PKHD1: variants seen among roughly 807,000 people sequenced by gnomAD.
The protein encoded by PKHD1 is PKHD1 ciliary IPT domain containing fibrocystin/polyductin, also known as fibrocystin.
Under a neutral mutation model 412.0 loss-of-function variants are expected in PKHD1, and 291 were observed. The ratio of observed to expected loss-of-function variants is 0.71; its 90% confidence interval spans 0.64 to 0.78. The LOEUF (loss-of-function observed/expected upper bound fraction) is 0.78, where lower values mean the gene tolerates loss of function less well. PKHD1 is among the 30% of genes least tolerant of loss of function. PKHD1 has a pLI of 0.00. For synonymous variants in PKHD1, 1,777 were observed against 1,821.5 expected (o/e 0.98, Z 0.62); for missense variants, 4,825 against 4,950.7 (o/e 0.97, Z 0.76).
At chr6:51,816,732 C>T (rs1765519609) in intron 52 of PKHD1, among the ~76,000 whole-genome samples, 1 of 152,312 alleles carries the variant, frequency 6.6e-6, no homozygotes, top group Non-Finnish European at 1.5e-5. Flanking sequence ...ATTTCTGTAC[C>T]TCATTCCTAT....
intron 21 of PKHD1, among the ~76,000 whole-genome samples, chr6:52,052,421 A>G (rs1314228910): frequency 6.6e-6 from 1 of 152,208 alleles, no homozygotes; most frequent in Non-Finnish European, 1.5e-5. Context: ...GGGAAGGAAG[A>G]GCCGGGCCTG....
At chr6:52,043,458 C>A (rs905375978) in intron 26 of PKHD1, among the ~76,000 whole-genome samples, 167 bp downstream of exon 26, 1 of 152,176 alleles carries the variant, frequency 6.6e-6, no homozygotes, top group Non-Finnish European at 1.5e-5. Context: ...AAATCATGAC[C>A]ATATCCCTTA....
chr6:51,782,818 C>A (rs558133142), intron 53 of PKHD1, among the ~76,000 whole-genome samples: 2 of 152,186 alleles, frequency 1.3e-5, no homozygotes, highest in South Asian at 4.2e-4. Context: ...GGTATTGTGG[C>A]TTTAAGCTGG....
At chr6:51,856,878 T>A (rs1773394193) in intron 48 of PKHD1, among the ~76,000 whole-genome samples, 1 of 152,246 alleles carries the variant, frequency 6.6e-6, no homozygotes, top group South Asian at 2.1e-4. Flanking sequence ...CCAAATCATG[T>A]TTGTTATATG....
intron 52 of PKHD1, among the ~76,000 whole-genome samples, chr6:51,792,588 G>T (rs1192178835): frequency 6.6e-6 from 1 of 152,190 alleles, no homozygotes; most frequent in African/African-American, 2.4e-5. Context: ...CACCTCCTTT[G>T]CAGGTTGATG....
rs1318530808 is a variant in PKHD1 at position 51,885,986 on chromosome 6, CAG to C, written c.7110-16_7110-15del. On this transcript the variant is annotated splice_polypyrimidine_tract_variant and intron_variant, in intron 44 of 66. Coordinates refer to ENST00000371117, the MANE Select transcript of PKHD1 (RefSeq NM_138694.4). Reference sequence around the variant, plus strand: ...AAGAGACCATACCTAAAAAGTGAAACAGAATGAAATTAAGCCAATTTTTATGT... The same window carrying C: ...AAGAGACCATACCTAAAAAGTGAAACAATGAAATTAAGCCAATTTTTATGT... 1 of 1,474,316 alleles carries C rather than the reference CAG, an allele frequency of 6.8e-7. No homozygotes were observed. Among genetic ancestry groups the C allele is most frequent in the Non-Finnish European group, 9.5e-7 (1 of 1,053,070 alleles). 91.3% of individuals were successfully genotyped at this position (1,474,316 alleles called of 1,614,324 possible). A position where few individuals can be genotyped will look rare whatever the true frequency, so the allele number is the denominator to read the frequency against.
chr6:51,652,200 G>A (rs1340844716), intron 61 of PKHD1, among the ~76,000 whole-genome samples: 1 of 151,596 alleles, frequency 6.6e-6, no homozygotes, highest in Non-Finnish European at 1.5e-5. Flanking sequence ...TTTTTTTTCT[G>A]CAATGCTTAA....
chr6:51,671,671 T>C (rs913684506), intron 60 of PKHD1, among the ~76,000 whole-genome samples: 26 of 152,104 alleles, frequency 1.7e-4, no homozygotes, highest in African/African-American at 5.3e-4. Context: ...TTCCCCATCT[T>C]GGTGGTTTTA....
intron 55 of PKHD1, among the ~76,000 whole-genome samples, chr6:51,772,310 CAT>C (rs144645013): frequency 0.18 from 27,902 of 151,776 alleles, 3,351 homozygotes; most frequent in African/African-American, 0.34. Flanking sequence ...CAATATACTT[CAT>C]ATGTTTCATC....
At chr6:51,639,732 T>C (rs1408376543) in intron 63 of PKHD1, among the ~76,000 whole-genome samples, 1 of 152,238 alleles carries the variant, frequency 6.6e-6, no homozygotes, top group African/African-American at 2.4e-5. Flanking sequence ...ATTATTTTCC[T>C]AATTAACAGC....
intron 64 of PKHD1, among the ~76,000 whole-genome samples, chr6:51,635,158 G>C (rs543137359): frequency 6.6e-6 from 1 of 152,108 alleles, no homozygotes; most frequent in East Asian, 1.9e-4. Context: ...TTGAACTCCT[G>C]GTCTCAAGTG....
At chr6:51,698,159 G>C (rs1037041201) in intron 60 of PKHD1, among the ~76,000 whole-genome samples, 46 of 152,266 alleles carry the variant, frequency 3.0e-4, no homozygotes, top group African/African-American at 1.1e-3. Flanking sequence ...AACAGGAAGA[G>C]GCTGATTTGC....
intron 60 of PKHD1, among the ~76,000 whole-genome samples, chr6:51,724,274 G>T: frequency 6.6e-6 from 1 of 152,090 alleles, no homozygotes; most frequent in East Asian, 1.9e-4. Context: ...AGTGTTCAAA[G>T]GGAGTGATTT....
intron 60 of PKHD1, among the ~76,000 whole-genome samples, chr6:51,704,153 T>C (rs931670692): frequency 6.6e-6 from 1 of 152,046 alleles, no homozygotes; most frequent in Non-Finnish European, 1.5e-5. Flanking sequence ...TCTTCTGGCA[T>C]GCAATCTATT....
intron 43 of PKHD1, among the ~76,000 whole-genome samples, chr6:51,896,282 G>C (rs578259573): frequency 6.6e-6 from 1 of 152,010 alleles, no homozygotes; most frequent in African/African-American, 2.4e-5. Flanking sequence ...GCTTTGAAGA[G>C]AGCAGTGGTT....
intron 11 of PKHD1, among the ~76,000 whole-genome samples, chr6:52,066,760 T>C (rs547171985): frequency 2.0e-5 from 3 of 151,952 alleles, no homozygotes; most frequent in African/African-American, 7.2e-5. Context: ...ATTAGCCGGG[T>C]TCCGTGGTGT....
intron 22 of PKHD1, among the ~76,000 whole-genome samples, chr6:52,049,668 AT>A (rs1187758016): frequency 1.3e-5 from 2 of 152,194 alleles, no homozygotes; most frequent in Admixed American, 6.5e-5. Context: ...AGCAATGCTT[AT>A]GGGGCTTTAG....
rs1809392853 is a variant in PKHD1 at position 52,065,152 on chromosome 6, TATATATATATATATATAGAGAG to T, written c.881-124_881-103del. ...GTATAATTATATATATATATATATATATATATATATATATATAGAGAGAGAGAGAGAGAGAGAGAGAGAGACA... is the reference window on the plus strand; with the variant it reads ...GTATAATTATATATATATATATATATAGAGAGAGAGAGAGAGAGAGAGACA... On this transcript the variant is annotated intron_variant, in intron 12 of 66. Coordinates refer to ENST00000371117, the MANE Select transcript of PKHD1 (RefSeq NM_138694.4). 7.8e-5 allele frequency: 6 copies of T among 76,790 alleles called. No individual in the cohort carries two copies. In the South Asian group the frequency reaches 2.2e-3, roughly 28 times the overall value. 4.8% of individuals were successfully genotyped at this position (76,790 alleles called of 1,614,324 possible). A position where few individuals can be genotyped will look rare whatever the true frequency, so the allele number is the denominator to read the frequency against.
At chr6:52,033,347 T>G (rs1210706573) in intron 28 of PKHD1, among the ~76,000 whole-genome samples, 182 bp from the exon 29 acceptor site, 1 of 152,198 alleles carries the variant, frequency 6.6e-6, no homozygotes, top group Non-Finnish European at 1.5e-5. Context: ...CTCCCCATCC[T>G]GCCCCCACAC....
Sources: allele counts gnomAD v4.1 joint callset (sites outside exome capture counted in the v4.1 genomes callset), GRCh38; gene constraint gnomAD v4.1.1; transcripts MANE v1.5; gene names NCBI Gene and HGNC (gene_info 2026-07-23, HGNC 2026-07-21).